The following DROSHA variants were observed in gnomAD, a reference collection of about 807,000 sequenced individuals.
DROSHA encodes ribonuclease 3.
DROSHA carries 56 observed loss-of-function variants against 181.9 expected under a neutral mutation model. The observed-to-expected ratio is 0.31, with a 90% CI of 0.25 to 0.38. DROSHA has a LOEUF of 0.38. DROSHA is among the 10% of genes least tolerant of loss of function. The pLI, the probability that DROSHA is intolerant of heterozygous loss-of-function variation, is 1.00. For missense variants in DROSHA, 1,218 were observed against 1,743.5 expected (o/e 0.70, Z 5.37); for synonymous variants, 524 against 591.2 (o/e 0.89, Z 1.65).
intron 18 of DROSHA, chr5:31,467,235 T>C (rs1216424283): frequency 3.3e-5 from 5 of 151,536 alleles, no homozygotes. Context: ...CAGCCAGAAC[T>C]GTATTTATGA....
intron 5 of DROSHA, 110 bp from the exon 6 acceptor site, chr5:31,521,325 A>G: frequency 8.4e-7 from 1 of 1,194,742 alleles, no homozygotes; most frequent in Non-Finnish European, 1.2e-6. Flanking sequence ...GGAATTTTTC[A>G]GGCACTGTTC....
intron 4 of DROSHA, among the ~76,000 whole-genome samples, chr5:31,528,674 A>T (rs1740873823): frequency 6.6e-6 from 1 of 152,122 alleles, no homozygotes; most frequent in Non-Finnish European, 1.5e-5. Flanking sequence ...TTCTACAACC[A>T]CTGTCACTGA....
Position 31,449,467 on chromosome 5 carries a change from G to T in DROSHA, c.2683-48C>A, listed in dbSNP as rs1208781018. On this transcript the variant is annotated intron_variant, in intron 21 of 35. Transcript: ENST00000344624. ...TCAGTCTTTAAAACAGCATAAACTGGGTGCAGTGGCTCACGCCTGTAATCC... is the reference window on the plus strand; with the variant it reads ...TCAGTCTTTAAAACAGCATAAACTGTGTGCAGTGGCTCACGCCTGTAATCC... 2.6e-6 allele frequency: 4 copies of T among 1,532,808 alleles called. No individual in the cohort carries two copies. In the South Asian group the frequency reaches 3.6e-5, roughly 14 times the overall value. 95.0% of individuals were successfully genotyped at this position (1,532,808 alleles called of 1,614,324 possible).
intron 20 of DROSHA, among the ~76,000 whole-genome samples, chr5:31,457,513 A>T (rs1419107753): frequency 6.6e-6 from 1 of 151,946 alleles, no homozygotes; most frequent in Non-Finnish European, 1.5e-5. Flanking sequence ...AGTTAGACTT[A>T]AAAAAAGTAC....
chr5:31,451,713 G>A, intron 20 of DROSHA, 73 bp from the exon 21 acceptor site: 2 of 1,241,984 alleles, frequency 1.6e-6, no homozygotes, highest in Non-Finnish European at 2.3e-6. Context: ...TTTACAACAA[G>A]CCAGAACCAT....
chr5:31,497,278 C>T (rs1218103041), intron 11 of DROSHA, among the ~76,000 whole-genome samples: 1 of 152,208 alleles, frequency 6.6e-6, no homozygotes, highest in Admixed American at 6.5e-5. Flanking sequence ...CCCCCACTGG[C>T]AGACAACAAC....
chr5:31,463,877 C>T (rs540960026), intron 20 of DROSHA, among the ~76,000 whole-genome samples: 2 of 152,120 alleles, frequency 1.3e-5, no homozygotes, highest in Non-Finnish European at 2.9e-5. Context: ...GCTTGTATGG[C>T]TGCTGGATTA....
intron 20 of DROSHA, among the ~76,000 whole-genome samples, chr5:31,458,450 C>T (rs980462530): frequency 3.3e-5 from 5 of 152,276 alleles, no homozygotes; most frequent in East Asian, 3.9e-4. Context: ...AGGAAAAGAT[C>T]CTTTTCCAAA....
chr5:31,531,039 C>T (rs1467407859), intron 2 of DROSHA, 115 bp from the exon 3 acceptor site: 1 of 391,834 alleles, frequency 2.6e-6, no homozygotes, highest in African/African-American at 2.1e-5. Context: ...GGCCTTTTCA[C>T]TGAGTCATGC....
chr5:31,472,504 T>C (rs1177705211), intron 16 of DROSHA, among the ~76,000 whole-genome samples: 1 of 152,082 alleles, frequency 6.6e-6, no homozygotes, highest in Non-Finnish European at 1.5e-5. Context: ...GGTATGAATA[T>C]AAAAAAGGTG....
intron 16 of DROSHA, among the ~76,000 whole-genome samples, chr5:31,478,120 A>C (rs1750617087): frequency 6.6e-6 from 1 of 152,198 alleles, no homozygotes; most frequent in African/African-American, 2.4e-5. Context: ...ATACCTGAAA[A>C]ATGCGGAAAG....
chr5:31,464,626 T>C (rs1325582419), intron 19 of DROSHA, among the ~76,000 whole-genome samples: 2 of 150,680 alleles, frequency 1.3e-5, no homozygotes, highest in Non-Finnish European at 3.0e-5. Context: ...CTTTCATTGA[T>C]AAAGGAAGCA....
At chr5:31,450,602 C>A (rs979724420) in intron 21 of DROSHA, among the ~76,000 whole-genome samples, 2 of 152,144 alleles carry the variant, frequency 1.3e-5, no homozygotes, top group Non-Finnish European at 2.9e-5. Context: ...ACCGCATATT[C>A]TCACTCACAA....
rs76947947 is a variant in DROSHA, at chr5:31,442,767, T to G, written c.2883-5469A>C. On this transcript the variant is annotated intron_variant, in intron 23 of 35. Coordinates refer to ENST00000344624, the MANE Select transcript of DROSHA (RefSeq NM_001382508.1). ...GGCTAGAGGGTGCCTTGGAGGTCAG[T>G]GGGAACTTCTACCCAACTTAGGATT... Among the ~76,000 whole-genome samples the G allele has an allele frequency of 1.6e-4, 24 of 151,896 alleles. 1 individual carries two copies. In the East Asian group the frequency reaches 4.5e-3, roughly 28 times the overall value.
intron 19 of DROSHA, 35 bp from the exon 20 acceptor site, chr5:31,464,378 T>C: frequency 6.3e-7 from 1 of 1,588,450 alleles, no homozygotes; most frequent in African/African-American, 1.3e-5. Flanking sequence ...GTAACACAAC[T>C]GCTATAAAGC....
At chr5:31,529,623 T>C (rs1741000420) in intron 3 of DROSHA, among the ~76,000 whole-genome samples, 1 of 151,044 alleles carries the variant, frequency 6.6e-6, no homozygotes, top group Non-Finnish European at 1.5e-5. Context: ...TAGTCCCAGC[T>C]ACTCGGGAGG....
chr5:31,431,553 T>C (rs1178059531), intron 26 of DROSHA, 23 bp downstream of exon 26: 1 of 1,611,382 alleles, frequency 6.2e-7, no homozygotes, highest in Admixed American at 1.7e-5. Context: ...GAAAGTAGAC[T>C]TCTTGAAGAA....
chr5:31,490,891 C>T (rs577294258), intron 13 of DROSHA, among the ~76,000 whole-genome samples: 8 of 151,956 alleles, frequency 5.3e-5, no homozygotes, highest in Admixed American at 3.9e-4. Context: ...AAGTTCTCAC[C>T]GAGAACTTGA....
intron 5 of DROSHA, among the ~76,000 whole-genome samples, chr5:31,524,587 C>T (rs1740305289): frequency 6.6e-6 from 1 of 152,174 alleles, no homozygotes; most frequent in Admixed American, 6.5e-5. Flanking sequence ...TGATATGTGT[C>T]TTTTATTTTT....
Sources: allele counts gnomAD v4.1 joint callset (sites outside exome capture counted in the v4.1 genomes callset), GRCh38; gene constraint gnomAD v4.1.1; transcripts MANE v1.5; gene names NCBI Gene and HGNC (gene_info 2026-07-23, HGNC 2026-07-21).